Variants in SLC35F4 observed in about 807,000 individuals in gnomAD.
SLC35F4 encodes chromosome 14 open reading frame 36.
Under a neutral mutation model 44.2 loss-of-function variants are expected in SLC35F4, and 24 were observed. That is an observed-to-expected ratio of 0.54 (90% CI 0.39 to 0.76). The LOEUF is 0.76. Ranked by LOEUF, SLC35F4 falls within the 30% of genes least tolerant of loss-of-function variation. The pLI, the probability that SLC35F4 is intolerant of heterozygous loss-of-function variation, is 0.00. For synonymous variants in SLC35F4, 238 were observed against 223.6 expected (o/e 1.06, Z -0.57); for missense variants, 562 against 586.1 (o/e 0.96, Z 0.42).
At chr14:57,752,247 A>G (rs1038654844) in intron 1 of SLC35F4, among the ~76,000 whole-genome samples, 4 of 152,036 alleles carry the variant, frequency 2.6e-5, no homozygotes, top group Non-Finnish European at 4.4e-5. Flanking sequence ...TTATTTTTTC[A>G]TAACAATTCC....
At chr14:57,671,307 T>A (rs1271803740) in intron 1 of SLC35F4, among the ~76,000 whole-genome samples, 1 of 151,708 alleles carries the variant, frequency 6.6e-6, no homozygotes, top group East Asian at 1.9e-4. Flanking sequence ...AACCTCAGAG[T>A]GCACAGGTCT....
At chr14:57,937,650 GAA>G (rs1240817949) in intron 1 of SLC35F4, among the ~76,000 whole-genome samples, 30 of 111,628 alleles carry the variant, frequency 2.7e-4, no homozygotes, top group South Asian at 5.7e-4. Flanking sequence ...GAAAAGAAAA[GAA>G]AAAAGAAAAG....
At chr14:57,862,125 G>T (rs1158294032) in intron 1 of SLC35F4, among the ~76,000 whole-genome samples, 1 of 151,922 alleles carries the variant, frequency 6.6e-6, no homozygotes, top group African/African-American at 2.4e-5. Context: ...CACTTCAGCT[G>T]ATGGCAACTC....
intron 1 of SLC35F4, among the ~76,000 whole-genome samples, chr14:57,891,689 A>G (rs1222536941): frequency 6.6e-6 from 1 of 152,136 alleles, no homozygotes; most frequent in African/African-American, 2.4e-5. Flanking sequence ...CATCCTGGCC[A>G]ATATGATGAA....
intron 1 of SLC35F4, among the ~76,000 whole-genome samples, chr14:57,949,419 T>C (rs894728955): frequency 1.3e-5 from 2 of 152,120 alleles, no homozygotes; most frequent in Admixed American, 6.5e-5. Flanking sequence ...TTATGGGAGT[T>C]CATATTCATT....
chr14:57,569,954 A>T lies in SLC35F4; in HGVS notation c.960T>A (p.Ser320Arg). The T allele has an allele frequency of 6.2e-7, 1 of 1,608,680 alleles. No homozygotes were observed. The highest frequency in any genetic ancestry group is 1.1e-5 in the South Asian group (1 of 89,546). The change falls in exon 6 of 8, where the codon AGT (serine) becomes AGA (arginine). Residue 320 changes from serine to arginine, a missense_variant. Transcript: ENST00000556826. ...YKVLFKMFLG[S>R]ANFGEAAHFV... ...AGTGTGCAGCTTCCCCAAAGTTGGC[A>T]CTTCCAAGAAACATTTTAAACAAGA... is the stretch of plus-strand genomic sequence containing the variant.
chr14:57,713,112 G>A (rs1450029131), intron 1 of SLC35F4, among the ~76,000 whole-genome samples: 1 of 152,122 alleles, frequency 6.6e-6, no homozygotes, highest in Non-Finnish European at 1.5e-5. Context: ...CCAATTAAAT[G>A]TTTCTAATCT....
At chr14:57,568,789 C>A (rs187105397) in intron 6 of SLC35F4, among the ~76,000 whole-genome samples, 2 of 152,078 alleles carry the variant, frequency 1.3e-5, no homozygotes, top group Admixed American at 1.3e-4. Context: ...TTCTGCAGGT[C>A]GAGCATTGTG....
At chr14:57,731,874 C>T (rs1359604413) in intron 1 of SLC35F4, among the ~76,000 whole-genome samples, 1 of 152,130 alleles carries the variant, frequency 6.6e-6, no homozygotes, top group African/African-American at 2.4e-5. Context: ...AGCTACAAGT[C>T]TGCAGATATT....
At chr14:57,643,068 T>G (rs1248174758) in intron 1 of SLC35F4, among the ~76,000 whole-genome samples, 4 of 95,876 alleles carry the variant, frequency 4.2e-5, no homozygotes, top group African/African-American at 8.7e-5. Flanking sequence ...ATTAATCTAA[T>G]TAGCCCAAAT....
chr14:57,597,026 C>T (rs532548332), intron 1 of SLC35F4: 5 of 462,106 alleles, frequency 1.1e-5, no homozygotes, highest in South Asian at 9.8e-5. Context: ...ATTGTCCCAT[C>T]CTCTATGGTC....
chr14:57,930,043 A>T (rs1203626745), intron 1 of SLC35F4, among the ~76,000 whole-genome samples: 3 of 152,220 alleles, frequency 2.0e-5, no homozygotes, highest in African/African-American at 7.2e-5. Context: ...TCACCTCTAA[A>T]AAAACTTCCT....
intron 1 of SLC35F4, among the ~76,000 whole-genome samples, chr14:57,720,882 G>A (rs1036378639): frequency 2.7e-5 from 4 of 150,556 alleles, no homozygotes; most frequent in African/African-American, 9.8e-5. Context: ...TGGACTTCAA[G>A]TTCTTCAGTT....
intron 1 of SLC35F4, among the ~76,000 whole-genome samples, chr14:57,671,682 T>A (rs540367505): frequency 6.6e-6 from 1 of 151,862 alleles, no homozygotes; most frequent in African/African-American, 2.4e-5. Flanking sequence ...GGGGTGAAAC[T>A]CCTTCTGCTT....
At chr14:57,621,615 T>A (rs2072185059) in intron 1 of SLC35F4, among the ~76,000 whole-genome samples, 3 of 152,238 alleles carry the variant, frequency 2.0e-5, no homozygotes. Context: ...GCTAGCCATA[T>A]GTAAAAAGCT....
chr14:57,873,448 A>G (rs1035125625), intron 1 of SLC35F4, among the ~76,000 whole-genome samples: 2 of 152,222 alleles, frequency 1.3e-5, no homozygotes, highest in African/African-American at 4.8e-5. Flanking sequence ...TTAGTAAATC[A>G]CAATGTATCC....
At chr14:57,585,581 A>G (rs1247540138) in intron 3 of SLC35F4, among the ~76,000 whole-genome samples, 3 of 152,184 alleles carry the variant, frequency 2.0e-5, no homozygotes, top group African/African-American at 7.2e-5. Flanking sequence ...ATGATTATCT[A>G]TTAAGAAAAC....
chr14:57,879,929 A>G (rs919467455), intron 1 of SLC35F4, among the ~76,000 whole-genome samples: 6 of 151,260 alleles, frequency 4.0e-5, no homozygotes, highest in African/African-American at 1.5e-4. Context: ...GGAGGGAGAG[A>G]AGGAGTGAGG....
At chr14:57,726,796 G>A (rs1594895121) in intron 1 of SLC35F4, among the ~76,000 whole-genome samples, 2 of 152,158 alleles carry the variant, frequency 1.3e-5, no homozygotes, top group South Asian at 2.1e-4. Flanking sequence ...TCTTGGGTGT[G>A]TCTGTGATGG....
Sources: allele counts gnomAD v4.1 joint callset (sites outside exome capture counted in the v4.1 genomes callset), GRCh38; gene constraint gnomAD v4.1.1; transcripts MANE v1.5; gene names NCBI Gene and HGNC (gene_info 2026-07-23, HGNC 2026-07-21).